Variants in IQCM observed in about 807,000 individuals in gnomAD.
IQCM encodes IQ domain-containing protein M.
A neutral mutation model predicts 57.6 loss-of-function variants in IQCM; 45 were observed. That is an observed-to-expected ratio of 0.78 (90% confidence interval 0.62 to 1.00). The LOEUF (loss-of-function observed/expected upper bound fraction) is 1.00. IQCM is among the 50% of genes least tolerant of loss of function. IQCM has a pLI of 0.00. For missense variants in IQCM, 468 were observed against 511.6 expected (o/e 0.91, Z 0.82); for synonymous variants, 148 against 158.9 (o/e 0.93, Z 0.51).
Position 149,357,276 on chromosome 4 carries a change from C to A in IQCM, c.1391-5210G>T, listed in dbSNP as rs964751867. On this transcript the variant is annotated intron_variant, in intron 13 of 13. Transcript: ENST00000636793. Reference sequence around the variant, plus strand: ...TGACTGCTCTGGCCAGAACTTCCAACACTATGTTGAATATGAGTGGTGAGA... The same window carrying A: ...TGACTGCTCTGGCCAGAACTTCCAAAACTATGTTGAATATGAGTGGTGAGA... Among the ~76,000 whole-genome samples, 39 of 152,138 alleles carry A rather than the reference C, an allele frequency of 2.6e-4. 1 individual carries two copies. Among genetic ancestry groups the A allele is most frequent in the Admixed American group, 2.2e-3 (33 of 15,274 alleles).
chr4:149,429,409 C>T (rs1273725616), intron 13 of IQCM, among the ~76,000 whole-genome samples: 1 of 151,728 alleles, frequency 6.6e-6, no homozygotes, highest in Non-Finnish European at 1.5e-5. Flanking sequence ...TTCTTTGTGC[C>T]TATTAGCAAG....
chr4:149,745,069 A>G (rs1767797843), intron 2 of IQCM, among the ~76,000 whole-genome samples: 2 of 152,162 alleles, frequency 1.3e-5, no homozygotes, highest in Non-Finnish European at 2.9e-5. Flanking sequence ...AATCAGAACC[A>G]AATGCTGGCC....
At chr4:149,477,679 C>A (rs911094054) in intron 12 of IQCM, among the ~76,000 whole-genome samples, 2 of 152,032 alleles carry the variant, frequency 1.3e-5, no homozygotes, top group African/African-American at 4.8e-5. Flanking sequence ...GTAGCTAAAG[C>A]GGAACAAAGG....
At chr4:149,368,832 GTATATATATACATATATATACA>G (rs1730067339) in intron 13 of IQCM, among the ~76,000 whole-genome samples, 1 of 50,308 alleles carries the variant, frequency 2.0e-5, no homozygotes, top group African/African-American at 7.5e-5. Context: ...ATATATACAT[GTATATATATACATATATATACA>G]TGTATATATA....
intron 7 of IQCM, among the ~76,000 whole-genome samples, chr4:149,622,846 C>T (rs901704635): frequency 7.9e-5 from 12 of 152,264 alleles, no homozygotes; most frequent in African/African-American, 2.4e-4. Context: ...TGCACCATTA[C>T]GTACAATAAG....
intron 8 of IQCM, among the ~76,000 whole-genome samples, chr4:149,592,258 G>A (rs1384405457): frequency 6.6e-6 from 1 of 152,140 alleles, no homozygotes; most frequent in African/African-American, 2.4e-5. Flanking sequence ...GTCTTCTTTT[G>A]AGAAGTGTCT....
rs1742570283 is a variant in IQCM, at chr4:149,495,588, A to G, written c.1228+52867T>C. ...AAAAGTGCTATGGTAAAAGTACAGT[A>G]GAGTAAATATTGATTCCAAGTCTAA... is the stretch of plus-strand genomic sequence containing the variant. On this transcript the variant is annotated intron_variant, in intron 12 of 13. Coordinates refer to ENST00000636793, the MANE Select transcript of IQCM (RefSeq NM_001363507.2). Among the ~76,000 whole-genome samples the G allele has an allele frequency of 4.6e-5, 7 of 152,286 alleles. No homozygotes were observed. In the South Asian group the frequency reaches 1.5e-3, roughly 32 times the overall value.
At chr4:149,640,045 T>C (rs1758056607) in intron 7 of IQCM, among the ~76,000 whole-genome samples, 1 of 152,230 alleles carries the variant, frequency 6.6e-6, no homozygotes, top group Non-Finnish European at 1.5e-5. Context: ...AGTTTAAAAA[T>C]TATTTCTTGA....
At chr4:149,357,873 C>T (rs1202284887) in intron 13 of IQCM, among the ~76,000 whole-genome samples, 3 of 152,074 alleles carry the variant, frequency 2.0e-5, no homozygotes, top group Non-Finnish European at 4.4e-5. Flanking sequence ...TCCATCTGGT[C>T]CTGGAATTTT....
intron 13 of IQCM, among the ~76,000 whole-genome samples, chr4:149,392,629 A>G (rs566090408): frequency 2.0e-5 from 3 of 152,094 alleles, no homozygotes; most frequent in East Asian, 3.9e-4. Context: ...CAGAAACTCC[A>G]GACTCAGAAA....
chr4:149,506,539 C>T (rs1456794435), intron 12 of IQCM, among the ~76,000 whole-genome samples: 2 of 151,886 alleles, frequency 1.3e-5, no homozygotes, highest in African/African-American at 2.4e-5. Context: ...GGGTGCTTGG[C>T]AGAAGGAGAG....
chr4:149,520,730 C>T (rs1745549466), intron 12 of IQCM, among the ~76,000 whole-genome samples: 1 of 152,120 alleles, frequency 6.6e-6, no homozygotes, highest in Non-Finnish European at 1.5e-5. Flanking sequence ...TTCTAGTTAC[C>T]ATCTGGATAA....
intron 12 of IQCM, among the ~76,000 whole-genome samples, chr4:149,439,782 G>A (rs902399637): frequency 6.6e-6 from 1 of 151,978 alleles, no homozygotes; most frequent in African/African-American, 2.4e-5. Context: ...TTACATTTGT[G>A]AGAGTAATAC....
intron 7 of IQCM, among the ~76,000 whole-genome samples, chr4:149,627,570 G>A (rs1023334976): frequency 1.3e-5 from 2 of 152,120 alleles, no homozygotes; most frequent in African/African-American, 2.4e-5. Context: ...TTTAACAGAG[G>A]AGAAAACATA....
chr4:149,679,200 T>TA (rs1377502768), intron 7 of IQCM, among the ~76,000 whole-genome samples: 3 of 151,478 alleles, frequency 2.0e-5, no homozygotes, highest in East Asian at 1.9e-4. Flanking sequence ...GATTCTGCCA[T>TA]AAAAAAGAAT....
intron 7 of IQCM, among the ~76,000 whole-genome samples, chr4:149,634,218 T>A (rs1431973533): frequency 6.6e-6 from 1 of 152,008 alleles, no homozygotes; most frequent in Non-Finnish European, 1.5e-5. Flanking sequence ...CCATGTTGGC[T>A]AGCTGGTCTC....
chr4:149,693,955 A>T (rs1267313758), intron 5 of IQCM, among the ~76,000 whole-genome samples: 2 of 152,170 alleles, frequency 1.3e-5, no homozygotes. Flanking sequence ...ACATTGAAAC[A>T]ATTTGCAGCA....
At chr4:149,762,913 G>T (rs565473558) in intron 2 of IQCM, among the ~76,000 whole-genome samples, 4 of 151,858 alleles carry the variant, frequency 2.6e-5, no homozygotes, top group Non-Finnish European at 4.4e-5. Flanking sequence ...TCATAAACGT[G>T]TTAAATTTAA....
chr4:149,674,766 G>A (rs112197945), intron 7 of IQCM, among the ~76,000 whole-genome samples: 1,681 of 152,188 alleles, frequency 0.011, 17 homozygotes, highest in Non-Finnish European at 0.018. Context: ...TGGAGTTTTG[G>A]AGAATAACCA....
Sources: allele counts gnomAD v4.1 joint callset (sites outside exome capture counted in the v4.1 genomes callset), GRCh38; gene constraint gnomAD v4.1.1; transcripts MANE v1.5; gene names NCBI Gene and HGNC (gene_info 2026-07-23, HGNC 2026-07-21).